PLPPR1: variants seen among roughly 807,000 people sequenced by gnomAD.
The protein encoded by PLPPR1 is phospholipid phosphatase-related protein type 1.
In PLPPR1, 10 loss-of-function variants were observed where a neutral mutation model predicts 33.1. The ratio of observed to expected loss-of-function variants is 0.30; its 90% CI spans 0.19 to 0.51. The LOEUF (loss-of-function observed/expected upper bound fraction) is 0.51. PLPPR1 is among the 20% of genes least tolerant of loss of function. PLPPR1 has a pLI of 0.97. For synonymous variants in PLPPR1, 151 were observed against 151.0 expected, an observed-to-expected ratio of 1.00 and a Z score of 0.00; for missense variants, 304 against 408.1, an observed-to-expected ratio of 0.74 and a Z score of 2.20.
At chr9:101,294,090 A>G (rs1283777386) in intron 4 of PLPPR1, among the ~76,000 whole-genome samples, 1 of 152,218 alleles carries the variant, frequency 6.6e-6, no homozygotes, top group Admixed American at 6.5e-5. Flanking sequence ...GAAGAATCAA[A>G]TAGATGCAAT....
Position 101,078,747 on chromosome 9 carries a change from G to A in PLPPR1, c.-46+49645G>A, listed in dbSNP as rs111455529. On this transcript the variant is annotated intron_variant, in intron 1 of 7. Transcript: ENST00000374874. ...GCCATTTCTGCTAGTACTTGCTCCA[G>A]TCTATTTCCTTTTTGCTCTCCTCTA... Among the ~76,000 whole-genome samples, 1,010 of 152,146 alleles carry A rather than the reference G, an allele frequency of 6.6e-3. 3 individuals are homozygous for A. The highest frequency in any genetic ancestry group is 0.01 in the Middle Eastern group (3 of 294).
At chr9:101,091,665 A>G (rs938793618) in intron 1 of PLPPR1, among the ~76,000 whole-genome samples, 3 of 152,154 alleles carry the variant, frequency 2.0e-5, no homozygotes, top group Non-Finnish European at 2.9e-5. Context: ...TCCATCTGCA[A>G]CCTTAATCCC....
intron 1 of PLPPR1, among the ~76,000 whole-genome samples, chr9:101,095,357 C>G (rs188713392): frequency 1.3e-5 from 2 of 152,238 alleles, no homozygotes; most frequent in Admixed American, 1.3e-4. Context: ...GACTGCTGGA[C>G]TTTTGAGCAT....
At chr9:101,209,444 C>T (rs1390531260) in intron 2 of PLPPR1, among the ~76,000 whole-genome samples, 1 of 152,226 alleles carries the variant, frequency 6.6e-6, no homozygotes, top group Non-Finnish European at 1.5e-5. Context: ...TGCTCCTTAT[C>T]TATCACTCCC....
At chr9:101,151,666 T>TGGCATAA (rs1465880045) in intron 1 of PLPPR1, among the ~76,000 whole-genome samples, 1 of 152,226 alleles carries the variant, frequency 6.6e-6, no homozygotes, top group Admixed American at 6.5e-5. Flanking sequence ...TACAAAGGGA[T>TGGCATAA]GGCAACTATG....
intron 2 of PLPPR1, among the ~76,000 whole-genome samples, chr9:101,214,765 G>A (rs1243818361): frequency 2.0e-5 from 3 of 152,204 alleles, no homozygotes; most frequent in Non-Finnish European, 4.4e-5. Context: ...CATCATGCCT[G>A]TAATCCCAGC....
At chr9:101,281,939 C>A (rs1180594373) in intron 3 of PLPPR1, among the ~76,000 whole-genome samples, 1 of 152,122 alleles carries the variant, frequency 6.6e-6, no homozygotes, top group African/African-American at 2.4e-5. Flanking sequence ...TACAGTCCCC[C>A]AGCAAAGAAA....
In PLPPR1 at chr9:101,189,870, T is replaced by A. The variant is rs146730887; in HGVS notation, c.63+4313T>A. Among the ~76,000 whole-genome samples, 37 of 152,158 alleles carry A rather than the reference T, an allele frequency of 2.4e-4. 1 individual carries two copies. The highest frequency in any genetic ancestry group is 8.7e-4 in the African/African-American group (36 of 41,442). ...CAAATGCAATTATGTATTTTCAGAT[T>A]GTCCTATTATCTGAAAATATTGGCA... On this transcript the variant is annotated intron_variant, in intron 2 of 7. Coordinates refer to ENST00000374874, the MANE Select transcript of PLPPR1 (RefSeq NM_207299.2).
At chr9:101,035,367 A>T (rs190026224) in intron 1 of PLPPR1, among the ~76,000 whole-genome samples, 1 of 152,310 alleles carries the variant, frequency 6.6e-6, no homozygotes, top group Admixed American at 6.5e-5. Context: ...TACTTCTATT[A>T]CTGTGCTATA....
intron 1 of PLPPR1, among the ~76,000 whole-genome samples, chr9:101,178,922 AG>A (rs1826058829): frequency 6.6e-6 from 1 of 152,142 alleles, no homozygotes. Context: ...GCTGGCCTAG[AG>A]GTCTTAGTTC....
chr9:101,131,645 C>T (rs1341372108), intron 1 of PLPPR1: 2 of 152,196 alleles, frequency 1.3e-5, no homozygotes, highest in East Asian at 3.8e-4. Flanking sequence ...GGAAGGTTTG[C>T]CAACACTTAC....
chr9:101,294,951 G>C (rs2118930604), intron 4 of PLPPR1, among the ~76,000 whole-genome samples: 1 of 152,180 alleles, frequency 6.6e-6, no homozygotes, highest in Admixed American at 6.5e-5. Flanking sequence ...TTCTGGCCAG[G>C]GCAATTAGGC....
intron 1 of PLPPR1, among the ~76,000 whole-genome samples, chr9:101,164,762 A>T (rs571514701): frequency 6.6e-6 from 1 of 152,280 alleles, no homozygotes; most frequent in East Asian, 1.9e-4. Flanking sequence ...GATGAAGTAG[A>T]AGTAAAACTA....
intron 1 of PLPPR1, among the ~76,000 whole-genome samples, chr9:101,030,764 G>A (rs1269492957): frequency 1.3e-5 from 2 of 152,008 alleles, no homozygotes; most frequent in Non-Finnish European, 2.9e-5. Context: ...ACTTTGAGAT[G>A]ACAGGTTGGG....
At chr9:101,262,120 A>T (rs1827910464) in intron 2 of PLPPR1, among the ~76,000 whole-genome samples, 2 of 152,230 alleles carry the variant, frequency 1.3e-5, no homozygotes, top group Admixed American at 1.3e-4. Context: ...GTCTTGAAAG[A>T]TACACAGTCT....
chr9:101,273,223 T>C (rs898032934), intron 3 of PLPPR1, among the ~76,000 whole-genome samples: 1 of 152,226 alleles, frequency 6.6e-6, no homozygotes, highest in African/African-American at 2.4e-5. Flanking sequence ...GTATCAATTA[T>C]GTCACCAGGT....
At chr9:101,302,998 G>GT (rs1828780788) in intron 4 of PLPPR1, among the ~76,000 whole-genome samples, 1 of 152,124 alleles carries the variant, frequency 6.6e-6, no homozygotes, top group Non-Finnish European at 1.5e-5. Context: ...TTTTGTTTTT[G>GT]TTTTTTGAGA....
intron 2 of PLPPR1, among the ~76,000 whole-genome samples, chr9:101,229,636 G>A (rs2118814172): frequency 6.6e-6 from 1 of 152,016 alleles, no homozygotes; most frequent in Admixed American, 6.6e-5. Flanking sequence ...TTTAAAATAA[G>A]GTGTCCAATT....
intron 4 of PLPPR1, among the ~76,000 whole-genome samples, chr9:101,291,120 C>T (rs562191673): frequency 3.0e-4 from 45 of 152,348 alleles, no homozygotes; most frequent in African/African-American, 8.9e-4. Flanking sequence ...TAAAAAACAG[C>T]GCACCAGGAG....
Sources: allele counts gnomAD v4.1 joint callset (sites outside exome capture counted in the v4.1 genomes callset), GRCh38; gene constraint gnomAD v4.1.1; transcripts MANE v1.5; gene names NCBI Gene and HGNC (gene_info 2026-07-23, HGNC 2026-07-21).